GAB3: variants seen among roughly 807,000 people sequenced by gnomAD.
The protein encoded by GAB3 is GRB2 associated binding protein 3.
In GAB3, 12 loss-of-function variants were observed where a neutral mutation model predicts 40.4. The ratio of observed to expected loss-of-function variants is 0.30; its 90% CI spans 0.19 to 0.48. The LOEUF is 0.48. Ranked by LOEUF, GAB3 falls within the 20% of genes least tolerant of loss-of-function variation. The probability of loss-of-function intolerance (pLI) is 0.99; values close to 1 mark genes in which losing one functional copy is unlikely to be tolerated. For synonymous variants in GAB3, 154 were observed against 176.7 expected (o/e 0.87, Z 1.02); for missense variants, 381 against 461.9 (o/e 0.82, Z 1.61).
chrX:154,700,305 TA>T (rs1557251939), intron 4 of GAB3, among the ~76,000 whole-genome samples: 1 of 112,011 alleles, frequency 8.9e-6, no homozygotes, highest in Non-Finnish European at 1.9e-5. Flanking sequence ...TTGCATTTAT[TA>T]CATAAATCTT....
chrX:154,751,202 G>A, upstream of GAB3: 2 of 287,133 alleles, frequency 7.0e-6, no homozygotes, highest in Non-Finnish European at 9.1e-6. Context: ...GACGCCGCCC[G>A]CAACCCAAGA....
chrX:154,707,393 A>T (rs1557253933), intron 4 of GAB3, among the ~76,000 whole-genome samples: 2 of 112,428 alleles, frequency 1.8e-5, no homozygotes, highest in Admixed American at 1.9e-4. Flanking sequence ...ATGTTTGTTA[A>T]TTAGCTTGAT....
intron 5 of GAB3, 21 bp from the exon 6 acceptor site, chrX:154,699,534 A>AT (rs1557251678): frequency 8.5e-7 from 1 of 1,173,483 alleles, no homozygotes; most frequent in Non-Finnish European, 1.2e-6. Context: ...ATAGATACAG[A>AT]TTGGGAACCA....
chrX:154,692,486 A>G lies in GAB3; in HGVS notation c.1530+3431T>C, dbSNP rs782466001. Reference sequence around the variant, plus strand: ...CCAATTCACACCCGTTAGGATACCCATTATAAAAAATGATAAATAGGTCGG... The same window carrying G: ...CCAATTCACACCCGTTAGGATACCCGTTATAAAAAATGATAAATAGGTCGG... On this transcript the variant is annotated intron_variant, in intron 8 of 9. Coordinates refer to ENST00000424127, the MANE Select transcript of GAB3 (RefSeq NM_001081573.3). Among the ~76,000 whole-genome samples the G allele has an allele frequency of 2.7e-5, 3 of 112,349 alleles. No individual in the cohort carries two copies. The South Asian group carries it at 1.1e-3, about 41-fold the overall frequency.
chrX:154,692,612 A>AC (rs2070589664), intron 8 of GAB3, among the ~76,000 whole-genome samples: 1 of 111,253 alleles, frequency 9.0e-6, no homozygotes, highest in Admixed American at 9.5e-5. Context: ...ACATGGTGAA[A>AC]CCCCATCTCT....
rs1269914142 is a variant in GAB3, at chrX:154,750,970, C to T, written c.56G>A (p.Arg19Lys). The T allele has an allele frequency of 2.5e-6, 2 of 814,479 alleles. No homozygotes were observed. Among genetic ancestry groups the T allele is most frequent in the Non-Finnish European group, 1.5e-6 (1 of 671,909 alleles). The allele number at this position is 814,479 out of a possible 1,213,427, so 67.1% of individuals were successfully genotyped here. ...TGWLVKSPPE[R>K]KLQRYAWRKR... ...CCTACTCACGTAGCGCTGTAGCTTC[C>T]TCTCGGGGGGCGACTTAACGAGCCA... The change falls in exon 1 of 10, where the codon AGG becomes AAG. Residue 19 changes from arginine (R) to lysine (K), a missense_variant. By Grantham distance (26) the Arg-to-Lys change is conservative (BLOSUM62 2). Transcript: ENST00000424127.
intron 6 of GAB3, among the ~76,000 whole-genome samples, 170 bp from the exon 7 acceptor site, chrX:154,697,383 C>A (rs1232310641): frequency 8.9e-6 from 1 of 112,004 alleles, no homozygotes; most frequent in Non-Finnish European, 1.9e-5. Context: ...GGAGTAAAGA[C>A]AAATACTGAG....
Position 154,677,873 on chromosome X carries a change from A to G in GAB3, c.*305T>C. 3.4e-6 allele frequency: 1 copy of G among 291,506 alleles called. No homozygotes were observed. The highest frequency in any genetic ancestry group is 4.9e-5 in the East Asian group (1 of 20,414). 24.0% of individuals were successfully genotyped at this position (291,506 alleles called of 1,213,427 possible). On this transcript the variant is annotated 3_prime_UTR_variant, in exon 10 of 10. Coordinates refer to ENST00000424127, the MANE Select transcript of GAB3 (RefSeq NM_001081573.3). ...TCAGAATTTCAGGTATTGGAGTCAA[A>G]CGATAAAATCCTGTTGGTGGCAACA...
At chrX:154,689,510 G>C (rs1285162241) in intron 8 of GAB3, among the ~76,000 whole-genome samples, 1 of 110,098 alleles carries the variant, frequency 9.1e-6, no homozygotes, top group East Asian at 2.9e-4. Context: ...TGTATATCTA[G>C]AAAACCCCAT....
chrX:154,749,070 G>A (rs782769884), intron 1 of GAB3, among the ~76,000 whole-genome samples: 11 of 111,946 alleles, frequency 9.8e-5, no homozygotes, highest in South Asian at 3.7e-4. Flanking sequence ...ATGTCTTGGA[G>A]TGTTGGTAAG....
chrX:154,750,656 G>A (rs782410665), intron 1 of GAB3, among the ~76,000 whole-genome samples: 2 of 112,651 alleles, frequency 1.8e-5, no homozygotes, highest in African/African-American at 6.4e-5. Context: ...GCTCCTGTAC[G>A]GAGAGTGGCG....
At chrX:154,688,363 T>C (rs1557248394) in intron 8 of GAB3, among the ~76,000 whole-genome samples, 1 of 108,328 alleles carries the variant, frequency 9.2e-6, no homozygotes, top group African/African-American at 3.4e-5. Context: ...CACTGCAACC[T>C]CTGCCTCCCG....
chrX:154,683,289 T>C (rs1298548717), intron 8 of GAB3, among the ~76,000 whole-genome samples: 6 of 112,198 alleles, frequency 5.3e-5, no homozygotes, highest in South Asian at 3.7e-4. Flanking sequence ...AGAGAAATAT[T>C]TTCTAATCTC....
chrX:154,700,452 G>A (rs1227837989), intron 4 of GAB3, among the ~76,000 whole-genome samples: 1 of 110,928 alleles, frequency 9.0e-6, no homozygotes, highest in Non-Finnish European at 1.9e-5. Context: ...TGAGGTCTGT[G>A]ACCAGAAAAG....
chrX:154,689,179 A>G (rs1557248659), intron 8 of GAB3, among the ~76,000 whole-genome samples: 2 of 111,965 alleles, frequency 1.8e-5, no homozygotes, highest in African/African-American at 6.5e-5. Flanking sequence ...TGATTATCTC[A>G]ATAGATGCAG....
chrX:154,732,933 G>A (rs1218985129), intron 1 of GAB3, among the ~76,000 whole-genome samples: 1 of 111,919 alleles, frequency 8.9e-6, no homozygotes, highest in Non-Finnish European at 1.9e-5. Context: ...CGTGGGAGAA[G>A]TTAAGACCCC....
chrX:154,695,316 G>T (rs1351841995), intron 8 of GAB3, among the ~76,000 whole-genome samples: 1 of 111,781 alleles, frequency 8.9e-6, no homozygotes, highest in African/African-American at 3.3e-5. Flanking sequence ...GGAACAACAG[G>T]CTAGAAGGGA....
intron 1 of GAB3, among the ~76,000 whole-genome samples, chrX:154,740,600 C>A (rs2071421841): frequency 9.0e-6 from 1 of 110,990 alleles, no homozygotes; most frequent in Non-Finnish European, 1.9e-5. Context: ...GGATGACAAT[C>A]CCTTCCCACG....
intron 5 of GAB3, among the ~76,000 whole-genome samples, chrX:154,699,776 C>A (rs782133289): frequency 8.9e-6 from 1 of 111,749 alleles, no homozygotes; most frequent in South Asian, 3.8e-4. Flanking sequence ...AAAGTGATGC[C>A]TTAAGTAGCT....
Sources: allele counts gnomAD v4.1 joint callset (sites outside exome capture counted in the v4.1 genomes callset), GRCh38; gene constraint gnomAD v4.1.1; transcripts MANE v1.5; gene names NCBI Gene and HGNC (gene_info 2026-07-23, HGNC 2026-07-21).